Variants in CTNND2 observed in about 807,000 individuals in gnomAD.
CTNND2 encodes catenin delta-2.
CTNND2 carries 22 observed loss-of-function variants against 144.4 expected under a neutral mutation model. That is an observed-to-expected ratio of 0.15 (90% CI 0.11 to 0.22). The LOEUF (loss-of-function observed/expected upper bound fraction) is 0.22, where lower values mean the gene tolerates loss of function less well. Ranked by LOEUF, CTNND2 falls within the 10% of genes least tolerant of loss-of-function variation. CTNND2 has a pLI of 1.00. For synonymous variants in CTNND2, 751 were observed against 695.6 expected, an observed-to-expected ratio of 1.08 and a Z score of -1.25; for missense variants, 1,353 against 1,618.8, an observed-to-expected ratio of 0.84 and a Z score of 2.82.
intron 16 of CTNND2, among the ~76,000 whole-genome samples, chr5:11,070,441 T>C (rs529124860): frequency 2.6e-5 from 4 of 151,958 alleles, no homozygotes; most frequent in African/African-American, 9.7e-5. Context: ...AAAAGAACAA[T>C]AAAAAAATCT....
intron 2 of CTNND2, among the ~76,000 whole-genome samples, chr5:11,670,545 A>C (rs1392215105): frequency 6.6e-6 from 1 of 152,086 alleles, no homozygotes; most frequent in East Asian, 1.9e-4. Context: ...TTTAAAGTCT[A>C]TTTTATCAGA....
chr5:11,636,811 TG>T (rs1561643725), intron 2 of CTNND2, among the ~76,000 whole-genome samples: 1 of 152,174 alleles, frequency 6.6e-6, no homozygotes, highest in Non-Finnish European at 1.5e-5. Context: ...TGGAGCTGAA[TG>T]GAGCATGAAG....
chr5:11,117,026 TCCTGGGTGACAGAG>T (rs1303833165), intron 13 of CTNND2, among the ~76,000 whole-genome samples: 2 of 151,768 alleles, frequency 1.3e-5, no homozygotes, highest in East Asian at 3.9e-4. Flanking sequence ...ACCACTGCAC[TCCTGGGTGACAGAG>T]CCTGGGTGAC....
chr5:11,081,621 C>T (rs1188753949), intron 16 of CTNND2, among the ~76,000 whole-genome samples: 1 of 152,202 alleles, frequency 6.6e-6, no homozygotes, highest in African/African-American at 2.4e-5. Context: ...TAGGGACCCT[C>T]AACCTGTATA....
intron 12 of CTNND2, among the ~76,000 whole-genome samples, chr5:11,133,695 A>C (rs986535928): frequency 2.0e-5 from 3 of 152,254 alleles, no homozygotes; most frequent in African/African-American, 7.2e-5. Flanking sequence ...GCTTATTAAA[A>C]GAAAGCAGGA....
At chr5:11,090,021 T>C (rs768352510) in intron 15 of CTNND2, among the ~76,000 whole-genome samples, 9 of 152,012 alleles carry the variant, frequency 5.9e-5, no homozygotes, top group South Asian at 4.2e-4. Context: ...AAAAAATAAA[T>C]AGATAGATAG....
chr5:11,030,935 T>C (rs1743401166), intron 16 of CTNND2, among the ~76,000 whole-genome samples: 1 of 152,136 alleles, frequency 6.6e-6, no homozygotes, highest in South Asian at 2.1e-4. Flanking sequence ...TTTTTGTTTT[T>C]GTTTTGTTTT....
At chr5:11,752,071 C>A (rs1215748817) in intron 1 of CTNND2, among the ~76,000 whole-genome samples, 1 of 151,442 alleles carries the variant, frequency 6.6e-6, no homozygotes, top group Admixed American at 6.6e-5. Flanking sequence ...TTTTTGCTTG[C>A]TACTTTAAGT....
At chr5:11,464,894 GATC>G (rs1184021586) in intron 3 of CTNND2, among the ~76,000 whole-genome samples, 3 of 152,128 alleles carry the variant, frequency 2.0e-5, no homozygotes, top group Non-Finnish European at 4.4e-5. Flanking sequence ...CAATCATTGT[GATC>G]ATATTTATTT....
intron 9 of CTNND2, among the ~76,000 whole-genome samples, chr5:11,345,867 TCTTTAAACAA>T (rs149521182): frequency 0.02 from 3,099 of 152,204 alleles, 219 homozygotes; most frequent in East Asian, 0.16. Flanking sequence ...TTTTTATCAG[TCTTTAAACAA>T]CTTCATCCTA....
At chr5:11,592,111 C>A (rs1779270850) in intron 2 of CTNND2, among the ~76,000 whole-genome samples, 1 of 149,642 alleles carries the variant, frequency 6.7e-6, no homozygotes, top group African/African-American at 2.5e-5. Flanking sequence ...AACCTATCTA[C>A]CTTCCTTCCT....
At chr5:11,258,812 T>A (rs1744550230) in intron 9 of CTNND2, among the ~76,000 whole-genome samples, 1 of 152,260 alleles carries the variant, frequency 6.6e-6, no homozygotes, top group Non-Finnish European at 1.5e-5. Flanking sequence ...GAGGTGCATT[T>A]CAACAGAAAA....
intron 3 of CTNND2, among the ~76,000 whole-genome samples, chr5:11,454,638 C>G (rs1397755705): frequency 6.6e-6 from 1 of 151,404 alleles, no homozygotes; most frequent in Non-Finnish European, 1.5e-5. Flanking sequence ...GCTCTGTTGC[C>G]CAGGCTGCAG....
intron 3 of CTNND2, among the ~76,000 whole-genome samples, chr5:11,556,475 A>C (rs1776249769): frequency 6.6e-6 from 1 of 152,184 alleles, no homozygotes; most frequent in South Asian, 2.1e-4. Flanking sequence ...TGAAGAAATA[A>C]ATTTTATTCT....
chr5:11,529,793 A>G (rs571961186), intron 3 of CTNND2, among the ~76,000 whole-genome samples: 1 of 152,270 alleles, frequency 6.6e-6, no homozygotes, highest in South Asian at 2.1e-4. Context: ...CAAACAATCT[A>G]AAATCATGGA....
intron 16 of CTNND2, among the ~76,000 whole-genome samples, chr5:11,033,490 T>A (rs529407976): frequency 2.0e-5 from 3 of 152,228 alleles, no homozygotes; most frequent in Admixed American, 2.0e-4. Context: ...AAATTGCCAA[T>A]GAAAATACTC....
chr5:11,037,060 A>C (rs1285298250), intron 16 of CTNND2, among the ~76,000 whole-genome samples: 3 of 152,240 alleles, frequency 2.0e-5, no homozygotes, highest in Non-Finnish European at 4.4e-5. Context: ...AATGGTCAAC[A>C]ATTTTTTAAA....
chr5:11,010,225 A>T (rs193133281), intron 18 of CTNND2, among the ~76,000 whole-genome samples: 1 of 152,232 alleles, frequency 6.6e-6, no homozygotes, highest in African/African-American at 2.4e-5. Flanking sequence ...TTTCCTTGAT[A>T]AAATGACAGC....
At chr5:11,250,078 T>C (rs567932771) in intron 9 of CTNND2, among the ~76,000 whole-genome samples, 27 of 152,298 alleles carry the variant, frequency 1.8e-4, no homozygotes, top group African/African-American at 6.5e-4. Flanking sequence ...CTATAAAACT[T>C]TTAACTTACC....
Sources: allele counts gnomAD v4.1 joint callset (sites outside exome capture counted in the v4.1 genomes callset), GRCh38; gene constraint gnomAD v4.1.1; transcripts MANE v1.5; gene names NCBI Gene and HGNC (gene_info 2026-07-23, HGNC 2026-07-21).